The following GPC6 variants were observed in gnomAD, a reference collection of about 807,000 sequenced individuals.
The protein encoded by GPC6 is glypican-6.
Under a neutral mutation model 55.2 loss-of-function variants are expected in GPC6, and 14 were observed. That is an observed-to-expected ratio of 0.25 (90% CI 0.17 to 0.40). The LOEUF is 0.40. GPC6 is among the 10% of genes least tolerant of loss of function. The pLI is 1.00. For missense variants in GPC6, 641 were observed against 708.5 expected, an observed-to-expected ratio of 0.90 and a Z score of 1.08; for synonymous variants, 278 against 259.6, an observed-to-expected ratio of 1.07 and a Z score of -0.68.
intron 1 of GPC6, among the ~76,000 whole-genome samples, chr13:93,435,473 G>A (rs1456428343): frequency 6.8e-6 from 1 of 146,852 alleles, no homozygotes; most frequent in Non-Finnish European, 1.5e-5. Flanking sequence ...TTTTTTTTTT[G>A]TTAATTTGTT....
intron 6 of GPC6, among the ~76,000 whole-genome samples, chr13:94,348,531 T>C (rs1369053358): frequency 1.3e-5 from 2 of 152,186 alleles, no homozygotes; most frequent in East Asian, 1.9e-4. Context: ...CCCCTATGTA[T>C]TCCTGTTCCT....
In GPC6 at chr13:93,663,095, C is replaced by CA. The variant is rs35257700; in HGVS notation, c.319+117694dup. On this transcript the variant is annotated intron_variant, in intron 2 of 8. Transcript: ENST00000377047. The stretch of plus-strand genomic sequence containing the variant: ...AATACCCTGTGCCAGTGACTGGTTG[C>CA]AAAAAAAAAAAAAAAAAAAATCTCA... Among the ~76,000 whole-genome samples, 846 of 111,074 alleles carry CA rather than the reference C, an allele frequency of 7.6e-3. 6 individuals are homozygous for CA. Among genetic ancestry groups the CA allele is most frequent in the South Asian group, 0.027 (94 of 3,542 alleles). 72.9% of individuals were successfully genotyped at this position (111,074 alleles called of 152,430 possible).
At chr13:94,104,614 A>G (rs928737732) in intron 4 of GPC6, among the ~76,000 whole-genome samples, 16 of 152,238 alleles carry the variant, frequency 1.1e-4, no homozygotes, top group African/African-American at 3.9e-4. Context: ...CAACTTCAGC[A>G]AAGTCTCAGG....
chr13:94,169,294 G>A (rs1888478878), intron 4 of GPC6, among the ~76,000 whole-genome samples: 1 of 152,170 alleles, frequency 6.6e-6, no homozygotes, highest in African/African-American at 2.4e-5. Flanking sequence ...GAAAATGAAC[G>A]CAGAGTGAGA....
chr13:94,162,912 G>A (rs945149640), intron 4 of GPC6, among the ~76,000 whole-genome samples: 1 of 152,024 alleles, frequency 6.6e-6, no homozygotes, highest in Non-Finnish European at 1.5e-5. Context: ...GACAATAAGG[G>A]TTACATGTTG....
intron 4 of GPC6, among the ~76,000 whole-genome samples, chr13:94,138,527 G>A (rs1351182901): frequency 6.6e-6 from 1 of 152,098 alleles, no homozygotes; most frequent in Non-Finnish European, 1.5e-5. Flanking sequence ...TGTCTTCTTT[G>A]AGACACTTTC....
intron 4 of GPC6, among the ~76,000 whole-genome samples, chr13:94,139,297 T>C (rs1354568937): frequency 3.3e-5 from 5 of 152,300 alleles, no homozygotes; most frequent in Non-Finnish European, 5.9e-5. Flanking sequence ...ATTATTCTTA[T>C]ACCCCATACA....
chr13:93,575,609 T>C (rs1387162576), intron 2 of GPC6, among the ~76,000 whole-genome samples: 1 of 152,228 alleles, frequency 6.6e-6, no homozygotes, highest in South Asian at 2.1e-4. Flanking sequence ...AGGCCTCTTT[T>C]ATTTCTCATC....
chr13:93,992,316 C>T (rs1347601066), intron 3 of GPC6, among the ~76,000 whole-genome samples: 1 of 151,866 alleles, frequency 6.6e-6, no homozygotes. Context: ...AAATCACAAT[C>T]TACTGTATAA....
Position 93,383,440 on chromosome 13 carries a change from C to A in GPC6, c.160+155824C>A, listed in dbSNP as rs145274303. ...CCATGTTGCTAAGGCTGGTCTGGAA[C>A]TCCTGGCCTCAAGCAATCCTCCGGC... On this transcript the variant is annotated intron_variant, in intron 1 of 8. Coordinates refer to ENST00000377047, the MANE Select transcript of GPC6 (RefSeq NM_005708.5). Among the ~76,000 whole-genome samples, 320 of 152,244 alleles carry A rather than the reference C, an allele frequency of 2.1e-3. 1 individual carries two copies. The highest frequency in any genetic ancestry group is 7.5e-3 in the African/African-American group (311 of 41,544).
At chr13:93,597,662 C>T (rs952733723) in intron 2 of GPC6, among the ~76,000 whole-genome samples, 5 of 152,110 alleles carry the variant, frequency 3.3e-5, no homozygotes, top group African/African-American at 1.2e-4. Flanking sequence ...TTATGACTGT[C>T]CACTTCCACT....
chr13:94,179,316 T>C (rs1888903879), intron 4 of GPC6, among the ~76,000 whole-genome samples: 1 of 152,164 alleles, frequency 6.6e-6, no homozygotes, highest in Non-Finnish European at 1.5e-5. Flanking sequence ...TTATGTCTTA[T>C]TGGCATTTAC....
intron 2 of GPC6, among the ~76,000 whole-genome samples, chr13:93,722,693 T>G (rs1448845342): frequency 6.6e-6 from 1 of 151,942 alleles, no homozygotes; most frequent in Non-Finnish European, 1.5e-5. Flanking sequence ...AACAGAAATT[T>G]ATTCTTTCAT....
At chr13:93,927,992 AT>A (rs145449726) in intron 3 of GPC6, among the ~76,000 whole-genome samples, 1 of 151,748 alleles carries the variant, frequency 6.6e-6, no homozygotes, top group Non-Finnish European at 1.5e-5. Context: ...TCCAGGTCTG[AT>A]TTTTTTTGCT....
chr13:94,364,051 A>G (rs757790870), intron 6 of GPC6, among the ~76,000 whole-genome samples: 7 of 152,238 alleles, frequency 4.6e-5, no homozygotes, highest in Non-Finnish European at 8.8e-5. Context: ...TGTGGCAACT[A>G]GAAAATTTAA....
chr13:93,876,490 G>A (rs186935974), intron 3 of GPC6, among the ~76,000 whole-genome samples: 8 of 152,152 alleles, frequency 5.3e-5, no homozygotes, highest in African/African-American at 1.9e-4. Context: ...TATGAAAGAC[G>A]TATGGTCTAG....
At chr13:93,681,329 G>A (rs1023510891) in intron 2 of GPC6, among the ~76,000 whole-genome samples, 9 of 152,066 alleles carry the variant, frequency 5.9e-5, no homozygotes, top group Admixed American at 2.0e-4. Context: ...GATAAATACA[G>A]GACATTGTAT....
intron 4 of GPC6, among the ~76,000 whole-genome samples, chr13:94,235,310 C>G (rs532943593): frequency 6.6e-6 from 1 of 152,020 alleles, no homozygotes; most frequent in Non-Finnish European, 1.5e-5. Flanking sequence ...TCTCTGGGAG[C>G]GTCTCTCACA....
chr13:93,527,942 C>T (rs1881718732), intron 1 of GPC6, among the ~76,000 whole-genome samples: 1 of 152,128 alleles, frequency 6.6e-6, no homozygotes, highest in Non-Finnish European at 1.5e-5. Context: ...CTTTGCCTTT[C>T]ATCGTTTTAC....
Sources: allele counts gnomAD v4.1 joint callset (sites outside exome capture counted in the v4.1 genomes callset), GRCh38; gene constraint gnomAD v4.1.1; transcripts MANE v1.5; gene names NCBI Gene and HGNC (gene_info 2026-07-23, HGNC 2026-07-21).